The following TIAM1 variants were observed in gnomAD, a reference collection of about 807,000 sequenced individuals.
TIAM1 encodes rho guanine nucleotide exchange factor TIAM1.
In TIAM1, 65 loss-of-function variants were observed where a neutral mutation model predicts 163.5. That is an observed-to-expected ratio of 0.40 (90% CI 0.33 to 0.49). The LOEUF (loss-of-function observed/expected upper bound fraction) is 0.49, where lower values mean the gene tolerates loss of function less well. TIAM1 is among the 20% of genes least tolerant of loss of function. TIAM1 has a pLI of 0.77. For synonymous variants in TIAM1, 833 were observed against 810.1 expected, an observed-to-expected ratio of 1.03 and a Z score of -0.48; for missense variants, 1,789 against 2,044.7, an observed-to-expected ratio of 0.87 and a Z score of 2.41.
chr21:31,448,720 G>A (rs1316289704), intron 2 of TIAM1, among the ~76,000 whole-genome samples: 1 of 151,940 alleles, frequency 6.6e-6, no homozygotes, highest in Non-Finnish European at 1.5e-5. Flanking sequence ...ACCTCAGGCT[G>A]CAACTTCCCT....
intron 2 of TIAM1, among the ~76,000 whole-genome samples, chr21:31,396,149 T>C (rs893825704): frequency 7.9e-5 from 12 of 152,296 alleles, no homozygotes; most frequent in African/African-American, 2.6e-4. Context: ...GCAAAACACA[T>C]CTAACAAAGT....
chr21:31,403,532 A>G (rs2077200665), intron 2 of TIAM1, among the ~76,000 whole-genome samples: 2 of 152,176 alleles, frequency 1.3e-5, no homozygotes, highest in South Asian at 2.1e-4. Flanking sequence ...AAAATCTACC[A>G]AGCTCTCAGG....
At chr21:31,277,221 G>C (rs2073337436) in intron 2 of TIAM1, among the ~76,000 whole-genome samples, 1 of 152,122 alleles carries the variant, frequency 6.6e-6, no homozygotes, top group East Asian at 1.9e-4. Flanking sequence ...AAAGAAGTCC[G>C]CTAAAACCCA....
chr21:31,240,803 G>A (rs534880443), intron 6 of TIAM1, among the ~76,000 whole-genome samples: 5 of 152,112 alleles, frequency 3.3e-5, no homozygotes, highest in East Asian at 1.9e-4. Flanking sequence ...TGGGGAATAC[G>A]ATTTCCACAA....
intron 2 of TIAM1, among the ~76,000 whole-genome samples, chr21:31,429,535 T>C (rs1486507793): frequency 6.6e-6 from 1 of 152,164 alleles, no homozygotes; most frequent in Non-Finnish European, 1.5e-5. Context: ...CCTGCCACTG[T>C]AGCTAAGTGG....
chr21:31,281,807 G>T (rs768611068), intron 2 of TIAM1, among the ~76,000 whole-genome samples: 12 of 151,996 alleles, frequency 7.9e-5, no homozygotes, highest in Non-Finnish European at 1.0e-4. Flanking sequence ...ATGGTAGATG[G>T]GTGGATGGAT....
At chr21:31,529,383 G>A (rs975506009) in intron 1 of TIAM1, among the ~76,000 whole-genome samples, 1 of 152,064 alleles carries the variant, frequency 6.6e-6, no homozygotes, top group Admixed American at 6.6e-5. Flanking sequence ...TGTAATTATG[G>A]GTTGTTACTA....
In TIAM1 at chr21:31,229,828, C is replaced by T. The variant is rs566697163; in HGVS notation, c.1585-3878G>A. On this transcript the variant is annotated intron_variant, in intron 6 of 27. Coordinates refer to ENST00000541036, the MANE Select transcript of TIAM1 (RefSeq NM_001353694.2). ...CCACCATGCCCAGCTAATTTTTGTA[C>T]TTTTAGTAGAGATGAGGTTTCTCCA... is the stretch of plus-strand genomic sequence containing the variant. Among the ~76,000 whole-genome samples, 14 of 152,108 alleles carry T rather than the reference C, an allele frequency of 9.2e-5. 1 individual carries two copies. The East Asian group carries it at 2.7e-3, about 29-fold the overall frequency.
rs531448567 is a variant in TIAM1, at chr21:31,390,683, AAAC to A, written c.-368-51264_-368-51262del. Among the ~76,000 whole-genome samples the A allele has an allele frequency of 3.7e-3, 559 of 152,338 alleles. 2 individuals carry two copies. Among genetic ancestry groups the A allele is most frequent in the African/African-American group, 0.013 (527 of 41,574 alleles). On this transcript the variant is annotated intron_variant, in intron 2 of 28. Transcript: ENST00000286827. ...ATGGTTCTTGAAAAGTAAAGTCTAA[AAAC>A]AACAACAAACCACCTTGTATAAATG... is the stretch of plus-strand genomic sequence containing the variant.
At chr21:31,127,330 G>A (rs1281917007) in intron 25 of TIAM1, among the ~76,000 whole-genome samples, 178 bp from the exon 26 acceptor site, 3 of 152,010 alleles carry the variant, frequency 2.0e-5, no homozygotes, top group African/African-American at 7.3e-5. Flanking sequence ...AAGCTTAATG[G>A]ATGCAAAGAA....
Position 31,266,695 on chromosome 21 carries a change from C to T in TIAM1, c.278G>A (p.Arg93Gln), listed in dbSNP as rs371530269. Residue 93 changes from arginine to glutamine, a missense_variant, in exon 4 of 28, where the codon CGA (arginine) becomes CAA (glutamine). By Grantham distance (43) the Arg-to-Gln change is conservative. This residue lies in a region of TIAM1 where 555 missense variants were observed against 564.9 expected (regional missense o/e 0.98). Coordinates refer to ENST00000541036, the MANE Select transcript of TIAM1 (RefSeq NM_001353694.2). ...CACAGGTCTCAAGCCCATGTCCACTCGGTCCACCCAGATGGGGCTCCCGAA... is the reference window on the plus strand; with the variant it reads ...CACAGGTCTCAAGCCCATGTCCACTTGGTCCACCCAGATGGGGCTCCCGAA... ...EDFGSPIWVD[R>Q]VDMGLRPVSY... is the part of the protein sequence containing the mutation. 110 of 1,614,092 alleles carry T rather than the reference C, an allele frequency of 6.8e-5. 1 individual carries two copies. In the Middle Eastern group the frequency reaches 9.9e-4, roughly 14 times the overall value.
chr21:31,326,214 A>G (rs897914490), intron 2 of TIAM1, among the ~76,000 whole-genome samples: 42 of 152,142 alleles, frequency 2.8e-4, no homozygotes, highest in African/African-American at 9.9e-4. Context: ...TTTTTCTTAT[A>G]GAATGCCCCA....
intron 15 of TIAM1, among the ~76,000 whole-genome samples, chr21:31,173,526 G>A (rs555390566): frequency 8.9e-5 from 12 of 135,444 alleles, no homozygotes; most frequent in South Asian, 4.3e-4. Flanking sequence ...AAGAGAGAGC[G>A]AGAGAAAGAG....
At chr21:31,138,770 T>C (rs1234580234) in intron 22 of TIAM1, among the ~76,000 whole-genome samples, 2 of 152,180 alleles carry the variant, frequency 1.3e-5, no homozygotes, top group South Asian at 2.1e-4. Context: ...AGAGATGAAA[T>C]GGGGCTTAAG....
chr21:31,324,062 T>C (rs112043323), intron 2 of TIAM1, among the ~76,000 whole-genome samples: 10 of 151,212 alleles, frequency 6.6e-5, no homozygotes, highest in Non-Finnish European at 1.0e-4. Context: ...AAGGGAAGAA[T>C]TGGTGGAGCA....
At chr21:31,533,925 AAAG>A (rs2048046512) in intron 1 of TIAM1, among the ~76,000 whole-genome samples, 1 of 152,200 alleles carries the variant, frequency 6.6e-6, no homozygotes, top group Non-Finnish European at 1.5e-5. Flanking sequence ...AGGGTTAGAT[AAAG>A]AAGTACCTAA....
chr21:31,186,091 G>GT (rs2146456785), intron 14 of TIAM1, among the ~76,000 whole-genome samples: 1 of 152,302 alleles, frequency 6.6e-6, no homozygotes, highest in East Asian at 1.9e-4. Flanking sequence ...AATCATCTAG[G>GT]TTGCAAAGAC....
chr21:31,448,181 A>G (rs549568501), intron 2 of TIAM1, among the ~76,000 whole-genome samples: 1 of 152,336 alleles, frequency 6.6e-6, no homozygotes, highest in South Asian at 2.1e-4. Flanking sequence ...GGCCCAGTCA[A>G]GCTGACACAC....
intron 2 of TIAM1, among the ~76,000 whole-genome samples, chr21:31,356,798 G>A (rs182685338): frequency 6.6e-6 from 1 of 152,208 alleles, no homozygotes; most frequent in African/African-American, 2.4e-5. Context: ...TCATAGCTTC[G>A]ATATTTCATG....
Sources: gnomAD v4.1 joint callset for allele counts (sites outside exome capture counted in the v4.1 genomes callset) on GRCh38, gnomAD v4.1.1 for gene constraint, gnomAD v4.1.1 regional missense constraint, MANE v1.5 for transcripts, NCBI Gene and HGNC (gene_info 2026-07-23, HGNC 2026-07-21) for gene names.